Variants in TMEM108 observed in about 807,000 individuals in gnomAD.
TMEM108 encodes transmembrane protein 108, also known as cancer/testis antigen 124.
In TMEM108, 12 loss-of-function variants were observed where a neutral mutation model predicts 35.1. The observed-to-expected ratio is 0.34, with a 90% CI of 0.22 to 0.55. The LOEUF (loss-of-function observed/expected upper bound fraction) is 0.55. Among genes scored for constraint, TMEM108 ranks in the 20% least tolerant of loss-of-function variants. The pLI is 0.89. For synonymous variants in TMEM108, 287 were observed against 308.6 expected (o/e 0.93, Z 0.73); for missense variants, 680 against 753.3 (o/e 0.90, Z 1.14).
chr3:133,168,992 C>G (rs1945087442), intron 2 of TMEM108, among the ~76,000 whole-genome samples: 1 of 152,178 alleles, frequency 6.6e-6, no homozygotes, highest in Admixed American at 6.5e-5. Flanking sequence ...GGAAGAAACA[C>G]TGGACACATC....
At chr3:133,135,256 A>G (rs1944549418) in intron 2 of TMEM108, among the ~76,000 whole-genome samples, 1 of 151,906 alleles carries the variant, frequency 6.6e-6, no homozygotes, top group Admixed American at 6.6e-5. Context: ...GACATCAGTG[A>G]TAACAGAGAT....
intron 3 of TMEM108, among the ~76,000 whole-genome samples, chr3:133,317,860 A>G (rs1450122296): frequency 6.6e-6 from 1 of 152,222 alleles, no homozygotes; most frequent in Non-Finnish European, 1.5e-5. Flanking sequence ...AAGAAGTAAA[A>G]TGTATAGTAT....
chr3:133,313,803 T>C (rs2071163699), intron 3 of TMEM108, among the ~76,000 whole-genome samples: 1 of 152,102 alleles, frequency 6.6e-6, no homozygotes, highest in African/African-American at 2.4e-5. Flanking sequence ...TTTTTCTCAG[T>C]GTCCCTGGAA....
intron 3 of TMEM108, among the ~76,000 whole-genome samples, chr3:133,373,680 G>A (rs775252495): frequency 1.1e-4 from 17 of 152,178 alleles, no homozygotes; most frequent in Non-Finnish European, 2.1e-4. Flanking sequence ...GTTGTGTGCT[G>A]TTGCTCATGC....
chr3:133,230,314 A>T (rs943563647), intron 3 of TMEM108, among the ~76,000 whole-genome samples: 2 of 152,204 alleles, frequency 1.3e-5, no homozygotes, highest in Non-Finnish European at 2.9e-5. Context: ...CTTCATCTAC[A>T]GACAGCATTC....
chr3:133,214,562 A>G (rs756519216), intron 2 of TMEM108, among the ~76,000 whole-genome samples: 4 of 152,118 alleles, frequency 2.6e-5, no homozygotes, highest in Non-Finnish European at 5.9e-5. Context: ...AAGCTCTACT[A>G]TTGGCCTAGG....
chr3:133,154,164 A>T (rs981093780), intron 2 of TMEM108, among the ~76,000 whole-genome samples: 1 of 151,436 alleles, frequency 6.6e-6, no homozygotes, highest in Non-Finnish European at 1.5e-5. Context: ...AATTTGTTTG[A>T]GTTCATTGTA....
chr3:133,106,650 A>G (rs1383777193), intron 2 of TMEM108, among the ~76,000 whole-genome samples: 1 of 152,254 alleles, frequency 6.6e-6, no homozygotes, highest in Admixed American at 6.5e-5. Flanking sequence ...TGCAGCTTGC[A>G]GCTTGCTTTA....
At chr3:133,331,554 C>T (rs1304441138) in intron 3 of TMEM108, among the ~76,000 whole-genome samples, 1 of 152,166 alleles carries the variant, frequency 6.6e-6, no homozygotes, top group African/African-American at 2.4e-5. Flanking sequence ...CAAAATATTG[C>T]CTTTCTTAGC....
chr3:133,069,873 G>A (rs1943656022), intron 2 of TMEM108, among the ~76,000 whole-genome samples: 1 of 152,068 alleles, frequency 6.6e-6, no homozygotes, highest in South Asian at 2.1e-4. Flanking sequence ...CTTTTCCACA[G>A]TATTTTGTAT....
intron 5 of TMEM108, among the ~76,000 whole-genome samples, chr3:133,394,304 C>G (rs759410210): frequency 1.8e-4 from 27 of 152,226 alleles, no homozygotes; most frequent in Non-Finnish European, 3.5e-4. Context: ...GTTGCCCTGC[C>G]CCCACTGCTG....
chr3:133,200,682 G>A (rs1945649653), intron 2 of TMEM108, among the ~76,000 whole-genome samples: 1 of 152,182 alleles, frequency 6.6e-6, no homozygotes, highest in Non-Finnish European at 1.5e-5. Flanking sequence ...CCCAGGGTCA[G>A]AAATTGTATA....
intron 3 of TMEM108, among the ~76,000 whole-genome samples, chr3:133,300,247 G>C (rs1228823030): frequency 6.6e-6 from 1 of 152,170 alleles, no homozygotes; most frequent in African/African-American, 2.4e-5. Flanking sequence ...AGACCTGAAA[G>C]AGACGGATTA....
chr3:133,380,103 G>T lies in TMEM108; in HGVS notation c.392G>T (p.Gly131Val). The T allele has an allele frequency of 2.5e-6, 4 of 1,613,946 alleles. No individual in the cohort carries two copies. The highest frequency in any genetic ancestry group is 3.4e-6 in the Non-Finnish European group (4 of 1,179,968). The change falls in exon 4 of 6, where the codon GGC becomes GTC. Residue 131 changes from glycine (G) to valine (V), a missense_variant. Physicochemically the swap from Gly to Val is moderately radical, Grantham distance 109. Around this residue, in one of 3 missense-constraint regions of TMEM108, gnomAD observed 526 missense variants for 532.1 expected, o/e 0.99. Transcript: ENST00000321871. The surrounding 1 kb of genome is among the most constrained non-coding windows in gnomAD (Gnocchi z 5.3). ...AMATTSSKPE[G>V]RPRGQAAPTI... is the part of the protein sequence containing the mutation. ...GCAACCACATCCTCCAAGCCAGAGG[G>T]CCGCCCTCGAGGGCAGGCTGCCCCC...
At chr3:133,127,457 G>A (rs756485594) in intron 2 of TMEM108, among the ~76,000 whole-genome samples, 14 of 151,732 alleles carry the variant, frequency 9.2e-5, no homozygotes, top group Non-Finnish European at 1.6e-4. Context: ...CATTTCGTAA[G>A]TGTGGAACCA....
chr3:133,336,906 C>T (rs1246516077), intron 3 of TMEM108, among the ~76,000 whole-genome samples: 1 of 152,102 alleles, frequency 6.6e-6, no homozygotes, highest in Non-Finnish European at 1.5e-5. Context: ...TGGCAGTAGA[C>T]TGGCAGTACT....
At chr3:133,371,635 A>AAAAAAAAAAAAAAAAAC (rs1283326477) in intron 3 of TMEM108, among the ~76,000 whole-genome samples, 1 of 150,968 alleles carries the variant, frequency 6.6e-6, no homozygotes, top group African/African-American at 2.4e-5. Flanking sequence ...AAAAAAAAAA[A>AAAAAAAAAAAAAAAAAC]AAAACCCACC....
intron 2 of TMEM108, among the ~76,000 whole-genome samples, chr3:133,114,587 A>T (rs183745869): frequency 8.5e-5 from 13 of 152,116 alleles, no homozygotes; most frequent in Non-Finnish European, 1.3e-4. Flanking sequence ...AGCATTTGTC[A>T]CACTTGCTTG....
chr3:133,300,805 T>G (rs1454460773), intron 3 of TMEM108, among the ~76,000 whole-genome samples: 1 of 151,956 alleles, frequency 6.6e-6, no homozygotes, highest in East Asian at 1.9e-4. Flanking sequence ...GGGAGGTATA[T>G]GAACTCTGGT....
Sources: gnomAD v4.1 joint callset for allele counts (sites outside exome capture counted in the v4.1 genomes callset) on GRCh38, gnomAD v4.1.1 for gene constraint, gnomAD v4.1.1 regional missense constraint, Gnocchi (gnomAD v3.1) non-coding constraint, MANE v1.5 for transcripts, NCBI Gene and HGNC (gene_info 2026-07-23, HGNC 2026-07-21) for gene names.